Variants in SIRPA observed in about 807,000 individuals in gnomAD.
SIRPA encodes the protein signal regulatory protein alpha.
SIRPA carries 9 observed loss-of-function variants against 50.3 expected under a neutral mutation model. The observed-to-expected ratio is 0.18, with a 90% CI of 0.11 to 0.31. The LOEUF is 0.31. SIRPA is among the 10% of genes least tolerant of loss of function. The pLI is 1.00. For synonymous variants in SIRPA, 265 were observed against 284.1 expected (o/e 0.93, Z 0.68); for missense variants, 474 against 661.6 (o/e 0.72, Z 3.11).
Position 1,919,014 on chromosome 20 carries a change from G to A in SIRPA, c.437-2381G>A, listed in dbSNP as rs79531438. The stretch of plus-strand genomic sequence containing the variant: ...ACCTCACAGACCAGGAGTTGGGACC[G>A]AATGAGTTAAATCCTGTAGCGTGCT... On this transcript the variant is annotated intron_variant, in intron 2 of 7. Coordinates refer to ENST00000358771, the MANE Select transcript of SIRPA (RefSeq NM_001040023.2). Among the ~76,000 whole-genome samples, 229 of 152,310 alleles carry A rather than the reference G, an allele frequency of 1.5e-3. 1 individual carries two copies. Among genetic ancestry groups the A allele is most frequent in the African/African-American group, 5.1e-3 (211 of 41,572 alleles).
chr20:1,937,209 TG>T lies in SIRPA; in HGVS notation c.1267-108del. The T allele has an allele frequency of 7.6e-7, 1 of 1,308,018 alleles. No homozygotes were observed. The allele number at this position is 1,308,018 out of a possible 1,614,324, so 81.0% of individuals were successfully genotyped here. ...AACATGACTTATGGCTGAGCCAGTG[TG>T]GGCCGAGAGGACACAGAAGCATCCA... On this transcript the variant is annotated intron_variant, in intron 7 of 7. Transcript: ENST00000358771. This position sits in a 1 kb window ranked among gnomAD's most constrained non-coding sequence, Gnocchi z 8.3.
intron 1 of SIRPA, among the ~76,000 whole-genome samples, chr20:1,910,079 AG>A (rs948844014): frequency 1.3e-5 from 2 of 152,108 alleles, no homozygotes; most frequent in Non-Finnish European, 2.9e-5. Context: ...CCTCTTGCCC[AG>A]GGGGGTTAGG....
chr20:1,905,501 A>AT (rs1984492692), intron 1 of SIRPA, among the ~76,000 whole-genome samples: 1 of 152,118 alleles, frequency 6.6e-6, no homozygotes, highest in Non-Finnish European at 1.5e-5. Flanking sequence ...TAACCCATGC[A>AT]TTTCCCCCAT....
intron 3 of SIRPA, 78 bp from the exon 4 acceptor site, chr20:1,922,235 G>C (rs1985703884): frequency 6.4e-7 from 1 of 1,573,778 alleles, no homozygotes; most frequent in East Asian, 2.3e-5. Context: ...TCACCGTGGT[G>C]GGGGAGCTAC....
intron 1 of SIRPA, among the ~76,000 whole-genome samples, chr20:1,908,216 C>A (rs1984661789): frequency 6.6e-6 from 1 of 152,114 alleles, no homozygotes; most frequent in Admixed American, 6.5e-5. Context: ...CCCAGCTGGA[C>A]ACACTCCCGA....
chr20:1,895,327 G>A (rs1983719265), upstream of SIRPA: 8 of 609,310 alleles, frequency 1.3e-5, no homozygotes, highest in Admixed American at 4.5e-5. Context: ...TCCGGAGTCG[G>A]GGGGAGGCCC....
At chr20:1,899,942 C>T (rs1284754456) in intron 1 of SIRPA, among the ~76,000 whole-genome samples, 2 of 152,106 alleles carry the variant, frequency 1.3e-5, no homozygotes, top group Non-Finnish European at 2.9e-5. Context: ...ATTAGCATGG[C>T]TTTATTCTGG....
In SIRPA at chr20:1,936,061, G is replaced by C. The variant is rs1194332199; in HGVS notation, c.1267-1259G>C. Among the ~76,000 whole-genome samples, 2 of 152,098 alleles carry C rather than the reference G, an allele frequency of 1.3e-5. No homozygotes were observed. Among genetic ancestry groups the C allele is most frequent in the Admixed American group, 6.5e-5 (1 of 15,276 alleles). ...TAGATAATCCTTCCCAAGCAGGGTT[G>C]TGGTAAGAGTGGATGGGGTGATCTA... On this transcript the variant is annotated intron_variant, in intron 7 of 7. Transcript: ENST00000358771. This position sits in a 1 kb window ranked among gnomAD's most constrained non-coding sequence, Gnocchi z 4.2.
At position 1,895,546 on chromosome 20, in the gene SIRPA, CCACCGCTGCA is replaced by C. The variant is rs1766524718; in HGVS notation, c.79+22_79+31del. On this transcript the variant is annotated intron_variant, in intron 1 of 7. Transcript: ENST00000358771. Reference sequence around the variant, plus strand: ...GGTCAGGTAAGCACCCCCCCGCTCCCCACCGCTGCACTCCCCAAACTGCGGGCTCAGGCCT... The same window carrying C: ...GGTCAGGTAAGCACCCCCCCGCTCCCCTCCCCAAACTGCGGGCTCAGGCCT... The C allele has an allele frequency of 1.4e-6, 2 of 1,430,174 alleles. No individual in the cohort carries two copies. Among genetic ancestry groups the C allele is most frequent in the African/African-American group, 3.0e-5 (2 of 66,896 alleles). 88.6% of individuals were successfully genotyped at this position (1,430,174 alleles called of 1,614,324 possible). A position where few individuals can be genotyped will look rare whatever the true frequency, so the allele number is the denominator to read the frequency against.
chr20:1,905,419 A>G (rs1600400032), intron 1 of SIRPA, among the ~76,000 whole-genome samples: 1 of 152,186 alleles, frequency 6.6e-6, no homozygotes, highest in Non-Finnish European at 1.5e-5. Flanking sequence ...AGGAGGGGAC[A>G]GTGACAATAG....
At chr20:1,919,408 A>G (rs1288826548) in intron 2 of SIRPA, among the ~76,000 whole-genome samples, 1 of 152,160 alleles carries the variant, frequency 6.6e-6, no homozygotes, top group African/African-American at 2.4e-5. Flanking sequence ...CAGATGGGAG[A>G]ACAGCTTTTC....
intron 2 of SIRPA, among the ~76,000 whole-genome samples, chr20:1,916,857 G>T (rs949821797): frequency 6.6e-6 from 1 of 152,120 alleles, no homozygotes; most frequent in Non-Finnish European, 1.5e-5. Flanking sequence ...GATCAGAGGG[G>T]GTGTGTGTTT....
intron 1 of SIRPA, among the ~76,000 whole-genome samples, chr20:1,896,212 C>T (rs973160918): frequency 1.3e-5 from 2 of 152,218 alleles, no homozygotes; most frequent in African/African-American, 4.8e-5. Flanking sequence ...CCAGCTCCCC[C>T]TTCCTCCTGC....
Position 1,937,261 on chromosome 20 carries a change from G to A in SIRPA, c.1267-59G>A. On this transcript the variant is annotated intron_variant, in intron 7 of 7. Coordinates refer to ENST00000358771, the MANE Select transcript of SIRPA (RefSeq NM_001040023.2). The surrounding 1 kb of genome is among the most constrained non-coding windows in gnomAD (Gnocchi z 8.3). ...GACTTGGTATTCAGTTTGAGTGAGT[G>A]GGCCAGGGGCTATAGAATGACCTTC... 1 of 1,564,038 alleles carries A rather than the reference G, an allele frequency of 6.4e-7. No homozygotes were observed. Among genetic ancestry groups the A allele is most frequent in the Non-Finnish European group, 8.7e-7 (1 of 1,150,522 alleles).
At position 1,934,913 on chromosome 20, in the gene SIRPA, TTC is replaced by T; in HGVS notation, c.1266+165_1266+166del. 1 of 770,246 alleles carries T rather than the reference TTC, an allele frequency of 1.3e-6. No individual in the cohort carries two copies. Among genetic ancestry groups the T allele is most frequent in the Non-Finnish European group, 2.1e-6 (1 of 467,654 alleles). The allele number at this position is 770,246 out of a possible 1,614,324, so 47.7% of individuals were successfully genotyped here. A position where few individuals can be genotyped will look rare whatever the true frequency, so the allele number is the denominator to read the frequency against. ...TTTCCCCATGTCCTGTGCATATTCCTTCTCTCTACTGCAGCCAAGAGTGGCTG... is the reference window on the plus strand; with the variant it reads ...TTTCCCCATGTCCTGTGCATATTCCTTCTCTACTGCAGCCAAGAGTGGCTG... On this transcript the variant is annotated intron_variant, in intron 7 of 7. Transcript: ENST00000358771. The surrounding 1 kb of genome is among the most constrained non-coding windows in gnomAD (Gnocchi z 4.6).
intron 2 of SIRPA, among the ~76,000 whole-genome samples, chr20:1,917,557 A>G (rs1407497331): frequency 1.3e-5 from 2 of 152,200 alleles, no homozygotes; most frequent in Non-Finnish European, 2.9e-5. Context: ...AAAACAAAAC[A>G]AGTCCTATGG....
chr20:1,912,386 A>G (rs1024971263), intron 1 of SIRPA, among the ~76,000 whole-genome samples: 1 of 152,226 alleles, frequency 6.6e-6, no homozygotes, highest in Admixed American at 6.5e-5. Context: ...TGGATATGCC[A>G]GTATCAACTC....
chr20:1,927,895 A>G lies in SIRPA; in HGVS notation c.1222A>G (p.Thr408Ala), dbSNP rs757552603. The change falls in exon 6 of 8, where the codon ACA (threonine) becomes GCA (alanine). Residue 408 changes from threonine (T) to alanine (A), a missense_variant. Thr to Ala is a moderately conservative substitution (Grantham distance 58). This residue lies in a region of SIRPA where 180 missense variants were observed against 206.7 expected (regional missense o/e 0.87). Coordinates refer to ENST00000358771, the MANE Select transcript of SIRPA (RefSeq NM_001040023.2). The surrounding 1 kb of genome is among the most constrained non-coding windows in gnomAD (Gnocchi z 6.5). ...QKKAQGSTSS[T>A]RLHEPEKNAR... ...TTCAGCCCAGGGCTCCACTTCTTCT[A>G]CAAGGTAAGTGCATCATTGGTCCAG... 11 of 1,613,862 alleles carry G rather than the reference A, an allele frequency of 6.8e-6. No homozygotes were observed.
At position 1,921,525 on chromosome 20, in the gene SIRPA, T is replaced by C. The variant is rs1055918942; in HGVS notation, c.567T>C (p.Asn189=). ...CCCTGAAATGGTTCAAAAATGGGAA[T>C]GAGCTCTCAGACTTCCAGACCAACG... is the stretch of plus-strand genomic sequence containing the variant. ...DITLKWFKNG[N]ELSDFQTNVD... The change falls in exon 3 of 8, where the codon AAT becomes AAC. Residue 189 remains asparagine, a synonymous_variant. Transcript: ENST00000358771. The C allele has an allele frequency of 6.2e-6, 10 of 1,614,174 alleles. No individual in the cohort carries two copies. The highest frequency in any genetic ancestry group is 1.7e-5 in the Admixed American group (1 of 60,020).
Sources: gnomAD v4.1 joint callset for allele counts (sites outside exome capture counted in the v4.1 genomes callset) on GRCh38, gnomAD v4.1.1 for gene constraint, gnomAD v4.1.1 regional missense constraint, Gnocchi (gnomAD v3.1) non-coding constraint, MANE v1.5 for transcripts, NCBI Gene and HGNC (gene_info 2026-07-23, HGNC 2026-07-21) for gene names.